Variants in EML1 observed in about 807,000 individuals in gnomAD.
EML1 encodes echinoderm microtubule-associated protein-like 1.
Under a neutral mutation model 110.4 loss-of-function variants are expected in EML1, and 27 were observed. The observed-to-expected ratio is 0.24, with a 90% CI of 0.18 to 0.34. The LOEUF is 0.34. EML1 is among the 10% of genes least tolerant of loss of function. The probability of loss-of-function intolerance (pLI) is 1.00; values close to 1 mark genes in which losing one functional copy is unlikely to be tolerated. For missense variants in EML1, 741 were observed against 1,030.9 expected (o/e 0.72, Z 3.85); for synonymous variants, 344 against 385.8 (o/e 0.89, Z 1.27).
chr14:99,854,469 A>G (rs1231940488), intron 2 of EML1, among the ~76,000 whole-genome samples: 2 of 152,130 alleles, frequency 1.3e-5, no homozygotes, highest in African/African-American at 4.8e-5. Context: ...GTGGATAGGT[A>G]TTCTGTAGAG....
intron 1 of EML1, among the ~76,000 whole-genome samples, chr14:99,826,294 G>A (rs1289503648): frequency 6.6e-6 from 1 of 151,850 alleles, no homozygotes; most frequent in African/African-American, 2.4e-5. Context: ...TGTATTTTTA[G>A]TAGACACAGG....
At chr14:99,822,599 T>A (rs958064735) in intron 1 of EML1, among the ~76,000 whole-genome samples, 1 of 152,228 alleles carries the variant, frequency 6.6e-6, no homozygotes, top group Non-Finnish European at 1.5e-5. Context: ...ATATTATTTC[T>A]CCACACCCCC....
chr14:99,805,316 C>G (rs1442816257), intron 1 of EML1, among the ~76,000 whole-genome samples: 1 of 152,172 alleles, frequency 6.6e-6, no homozygotes, highest in Non-Finnish European at 1.5e-5. Context: ...TGAGTCGTGC[C>G]TACTTAGGAC....
intron 1 of EML1, among the ~76,000 whole-genome samples, chr14:99,762,301 G>A (rs1035138185): frequency 2.0e-5 from 3 of 151,992 alleles, no homozygotes; most frequent in African/African-American, 2.4e-5. Context: ...TCCATTTTAC[G>A]TACACAGCTT....
chr14:99,917,643 G>A, intron 15 of EML1, 139 bp from the exon 16 acceptor site: 1 of 782,490 alleles, frequency 1.3e-6, no homozygotes, highest in Non-Finnish European at 2.0e-6. Context: ...CTCTAGAAAA[G>A]AGACTTTTCA....
chr14:99,744,781 A>G (rs2057085601), intron 1 of EML1, among the ~76,000 whole-genome samples: 1 of 152,250 alleles, frequency 6.6e-6, no homozygotes, highest in Non-Finnish European at 1.5e-5. Flanking sequence ...AGCGAGGAAA[A>G]GCATAACCAA....
At chr14:99,887,366 G>A (rs930888145) in intron 4 of EML1, among the ~76,000 whole-genome samples, 15 of 152,196 alleles carry the variant, frequency 9.9e-5, no homozygotes, top group Admixed American at 1.3e-4. Context: ...CTGAGAGTTT[G>A]TTCACCGGGG....
At chr14:99,862,586 G>C (rs1388911838) in intron 2 of EML1, among the ~76,000 whole-genome samples, 2 of 152,102 alleles carry the variant, frequency 1.3e-5, no homozygotes, top group Non-Finnish European at 2.9e-5. Context: ...TGTGTACTTT[G>C]GGTTATAATC....
At chr14:99,750,435 A>G (rs903499440) in intron 1 of EML1, among the ~76,000 whole-genome samples, 5 of 152,164 alleles carry the variant, frequency 3.3e-5, no homozygotes, top group Admixed American at 2.6e-4. Context: ...AAAGTCAGGG[A>G]GGGGAGCATG....
intron 1 of EML1, among the ~76,000 whole-genome samples, chr14:99,818,500 T>C (rs2058207145): frequency 6.6e-6 from 1 of 152,220 alleles, no homozygotes; most frequent in African/African-American, 2.4e-5. Flanking sequence ...TGTAGATTGA[T>C]GGCTGCACGG....
intron 13 of EML1, among the ~76,000 whole-genome samples, chr14:99,913,167 ATTAT>A (rs962157519): frequency 1.4e-5 from 1 of 73,192 alleles, no homozygotes; most frequent in South Asian, 3.4e-4. Flanking sequence ...TGGCAGTGTT[ATTAT>A]TATTATTATT....
chr14:99,861,255 T>A (rs983127931), intron 2 of EML1, among the ~76,000 whole-genome samples: 3 of 152,134 alleles, frequency 2.0e-5, no homozygotes, highest in Non-Finnish European at 4.4e-5. Flanking sequence ...ACTATTGGAT[T>A]TAGCGTTCCA....
chr14:99,762,263 A>G (rs897341437), intron 1 of EML1, among the ~76,000 whole-genome samples: 1 of 152,178 alleles, frequency 6.6e-6, no homozygotes, highest in African/African-American at 2.4e-5. Flanking sequence ...AAAAAAATTG[A>G]AATGCAACAT....
intron 1 of EML1, among the ~76,000 whole-genome samples, chr14:99,774,544 T>A (rs1414719681): frequency 6.6e-6 from 1 of 152,190 alleles, no homozygotes; most frequent in Non-Finnish European, 1.5e-5. Context: ...CACTCAAGGG[T>A]TCATGCTTGG....
intron 1 of EML1, among the ~76,000 whole-genome samples, chr14:99,818,919 G>A (rs899018713): frequency 3.3e-5 from 5 of 152,162 alleles, no homozygotes; most frequent in South Asian, 2.1e-4. Flanking sequence ...ACTACATATC[G>A]TCAGAACATG....
rs896122214 is a variant in EML1 at position 99,865,388 on chromosome 14, C to G, written c.251-126C>G. ...AAATAGAGATGAAGAGTTGCTCACTCGCTCACTGCTCACCTCCTCCTGCTG... is the reference window on the plus strand; with the variant it reads ...AAATAGAGATGAAGAGTTGCTCACTGGCTCACTGCTCACCTCCTCCTGCTG... On this transcript the variant is annotated intron_variant, in intron 2 of 21. Transcript: ENST00000262233. The G allele has an allele frequency of 5.0e-6, 6 of 1,200,910 alleles. No individual in the cohort carries two copies. The Admixed American group carries it at 6.6e-5, about 13-fold the overall frequency. The allele number at this position is 1,200,910 out of a possible 1,614,324, so 74.4% of individuals were successfully genotyped here. A position where few individuals can be genotyped will look rare whatever the true frequency, so the allele number is the denominator to read the frequency against.
In EML1 at chr14:99,939,310, C is replaced by G. The variant is rs2060534664; in HGVS notation, c.2305C>G (p.Pro769Ala). The change falls in exon 21 of 22, where the codon CCC becomes GCC. Residue 769 changes from proline (P) to alanine (A), a missense_variant. Coordinates refer to ENST00000262233, the MANE Select transcript of EML1 (RefSeq NM_004434.3). The surrounding 1 kb of genome is among the most constrained non-coding windows in gnomAD (Gnocchi z 4.2). ...DFGKVHLFSY[P>A]CSQFRAPSHI... ...TGGCAAAGTGCACCTCTTCTCATAC[C>G]CCTGCTCGCAGTTCAGGGTAAAGGA... The G allele has an allele frequency of 1.9e-6, 3 of 1,614,220 alleles. No homozygotes were observed. The African/African-American group carries it at 4.0e-5, about 22-fold the overall frequency.
At chr14:99,878,650 G>C in intron 4 of EML1, 31 bp downstream of exon 4, 1 of 1,601,566 alleles carries the variant, frequency 6.2e-7, no homozygotes, top group Non-Finnish European at 8.5e-7. Context: ...AGTTCCTGCT[G>C]TTCAGATATG....
At chr14:99,737,816 C>T (rs899328436) in exon 1 of EML1, 5 of 1,289,156 alleles carry the variant, frequency 3.9e-6, no homozygotes, top group East Asian at 5.6e-5. Context: ...GCCAGCCGGC[C>T]GCCCATCTTC....
Sources: allele counts gnomAD v4.1 joint callset (sites outside exome capture counted in the v4.1 genomes callset), GRCh38; gene constraint gnomAD v4.1.1; non-coding constraint Gnocchi (gnomAD v3.1); transcripts MANE v1.5; gene names NCBI Gene and HGNC (gene_info 2026-07-23, HGNC 2026-07-21).